Variants in BRINP1 observed in about 807,000 individuals in gnomAD.
BRINP1 encodes the protein BMP/retinoic acid inducible neural specific 1, also known as BMP/retinoic acid-inducible neural-specific protein 1.
BRINP1 carries 17 observed loss-of-function variants against 72.9 expected under a neutral mutation model. That is an observed-to-expected ratio of 0.23 (90% CI 0.16 to 0.35). BRINP1 has a LOEUF of 0.35. BRINP1 is among the 10% of genes least tolerant of loss of function. BRINP1 has a pLI of 1.00. For synonymous variants in BRINP1, 418 were observed against 378.5 expected (o/e 1.10, Z -1.21); for missense variants, 850 against 1,001.6 (o/e 0.85, Z 2.04).
intron 1 of BRINP1, among the ~76,000 whole-genome samples, chr9:119,356,615 G>A (rs1300205327): frequency 1.3e-5 from 2 of 152,078 alleles, no homozygotes; most frequent in South Asian, 2.1e-4. Context: ...CCCAGCCTGG[G>A]CAGCATGGTG....
intron 1 of BRINP1, among the ~76,000 whole-genome samples, chr9:119,314,973 C>T (rs1305229111): frequency 6.6e-6 from 1 of 152,098 alleles, no homozygotes; most frequent in Non-Finnish European, 1.5e-5. Flanking sequence ...TTCACCTGAT[C>T]CCCACTGCCT....
chr9:119,347,750 T>G (rs1483305540), intron 1 of BRINP1, among the ~76,000 whole-genome samples: 2 of 152,152 alleles, frequency 1.3e-5, no homozygotes, highest in Non-Finnish European at 2.9e-5. Context: ...CTGTTCCTTC[T>G]GCCTATAATG....
intron 2 of BRINP1, among the ~76,000 whole-genome samples, chr9:119,263,686 C>T (rs1830518880): frequency 7.0e-6 from 1 of 141,952 alleles, no homozygotes; most frequent in Admixed American, 7.4e-5. Flanking sequence ...CTGCTCACTG[C>T]AAACTCCGCC....
At chr9:119,301,220 A>G (rs1830934832) in intron 2 of BRINP1, among the ~76,000 whole-genome samples, 1 of 152,164 alleles carries the variant, frequency 6.6e-6, no homozygotes, top group African/African-American at 2.4e-5. Flanking sequence ...CCCCATATTA[A>G]TGAAAAGCAC....
At chr9:119,297,037 G>A (rs7862772) in intron 2 of BRINP1, among the ~76,000 whole-genome samples, 72,103 of 151,900 alleles carry the variant, frequency 0.47, 17,900 homozygotes, top group African/African-American at 0.61. Flanking sequence ...AAAAAGAGAC[G>A]GAAAATAGTT....
At chr9:119,310,929 G>A (rs10818298) in intron 2 of BRINP1, among the ~76,000 whole-genome samples, 3 of 151,950 alleles carry the variant, frequency 2.0e-5, no homozygotes, top group Admixed American at 6.6e-5. Context: ...CTGGATGAGC[G>A]CATGTCTCTG....
At chr9:119,341,029 C>T (rs1040090816) in intron 1 of BRINP1, among the ~76,000 whole-genome samples, 1 of 152,196 alleles carries the variant, frequency 6.6e-6, no homozygotes, top group Admixed American at 6.5e-5. Context: ...TAGCCAAGCA[C>T]AGCAACGGCT....
chr9:119,213,647 T>A, intron 6 of BRINP1: 1 of 579,014 alleles, frequency 1.7e-6, no homozygotes, highest in Non-Finnish European at 3.1e-6. Context: ...AGGCTTCCTA[T>A]GCAGATTTAT....
At chr9:119,178,149 AAG>A (rs1176882877) in intron 7 of BRINP1, among the ~76,000 whole-genome samples, 2 of 152,170 alleles carry the variant, frequency 1.3e-5, no homozygotes, top group Non-Finnish European at 2.9e-5. Context: ...GATAGAGACA[AAG>A]AGATGCAGCC....
At chr9:119,203,512 A>G (rs1207687476) in intron 7 of BRINP1, among the ~76,000 whole-genome samples, 1 of 152,204 alleles carries the variant, frequency 6.6e-6, no homozygotes, top group Non-Finnish European at 1.5e-5. Context: ...AGTGCTATCC[A>G]TGTTCTACTC....
intron 1 of BRINP1, among the ~76,000 whole-genome samples, chr9:119,367,220 T>A (rs374374569): frequency 0.023 from 1,020 of 44,754 alleles, 23 homozygotes; most frequent in South Asian, 0.062. Context: ...TGTGTGTGAT[T>A]GATATATATA....
chr9:119,352,744 T>C (rs1454939357), intron 1 of BRINP1, among the ~76,000 whole-genome samples: 2 of 152,240 alleles, frequency 1.3e-5, no homozygotes, highest in African/African-American at 4.8e-5. Context: ...TTATACTCTA[T>C]GAGTCTATTC....
At chr9:119,209,456 T>A (rs577324281) in intron 6 of BRINP1, among the ~76,000 whole-genome samples, 5 of 151,836 alleles carry the variant, frequency 3.3e-5, no homozygotes, top group Admixed American at 6.6e-5. Flanking sequence ...TAATCCCAGC[T>A]ACTCGGGAGG....
intron 2 of BRINP1, among the ~76,000 whole-genome samples, chr9:119,312,450 T>C (rs1033194971): frequency 2.0e-5 from 3 of 152,020 alleles, no homozygotes; most frequent in Non-Finnish European, 4.4e-5. Context: ...ATTAAAGAGG[T>C]GTTAGTGTAG....
At chr9:119,269,678 A>T (rs1246552034) in intron 2 of BRINP1, among the ~76,000 whole-genome samples, 2 of 152,234 alleles carry the variant, frequency 1.3e-5, no homozygotes, top group Non-Finnish European at 2.9e-5. Flanking sequence ...CACAGGTGAC[A>T]TGACTTGAAC....
intron 2 of BRINP1, among the ~76,000 whole-genome samples, chr9:119,277,562 C>A (rs1830669578): frequency 6.6e-6 from 1 of 152,122 alleles, no homozygotes; most frequent in African/African-American, 2.4e-5. Context: ...TATACCAGCA[C>A]ATTACTGATT....
rs1831728878 is a variant in BRINP1, at chr9:119,369,240, C to T, written c.-235G>A. The T allele has an allele frequency of 2.5e-6, 1 of 398,590 alleles. No individual in the cohort carries two copies. Among genetic ancestry groups the T allele is most frequent in the South Asian group, 1.3e-4 (1 of 7,860 alleles). The allele number at this position is 398,590 out of a possible 1,614,324, so 24.7% of individuals were successfully genotyped here. ...CAGCCGTAAAGTCCCCTTCGCTGGT[C>T]CCGAGGACAGGCATGAATCCCGGCT... On this transcript the variant is annotated 5_prime_UTR_variant, in exon 1 of 8. Transcript: ENST00000265922.
At chr9:119,345,315 T>C (rs1304107680) in intron 1 of BRINP1, among the ~76,000 whole-genome samples, 1 of 152,216 alleles carries the variant, frequency 6.6e-6, no homozygotes, top group African/African-American at 2.4e-5. Context: ...GTCTTCATCA[T>C]GGTAACAAAT....
intron 2 of BRINP1, among the ~76,000 whole-genome samples, chr9:119,254,332 G>T (rs1830424386): frequency 6.6e-6 from 1 of 152,144 alleles, no homozygotes; most frequent in Admixed American, 6.5e-5. Flanking sequence ...ATTTCATATA[G>T]GTCATCAGAA....
Sources: allele counts gnomAD v4.1 joint callset (sites outside exome capture counted in the v4.1 genomes callset), GRCh38; gene constraint gnomAD v4.1.1; transcripts MANE v1.5; gene names NCBI Gene and HGNC (gene_info 2026-07-23, HGNC 2026-07-21).